PCDHGA1: variants seen among roughly 807,000 people sequenced by gnomAD.
PCDHGA1 encodes the protein protocadherin gamma subfamily A, 1.
A neutral mutation model predicts 58.0 loss-of-function variants in PCDHGA1; 32 were observed. That is an observed-to-expected ratio of 0.55 (90% CI 0.42 to 0.74). The LOEUF is 0.74. Among genes scored for constraint, PCDHGA1 ranks in the 30% least tolerant of loss-of-function variants. PCDHGA1 has a pLI of 0.00. For synonymous variants in PCDHGA1, 498 were observed against 501.1 expected (o/e 0.99, Z 0.08); for missense variants, 1,205 against 1,182.3 (o/e 1.02, Z -0.28).
rs374176829 is a variant in PCDHGA1 at position 141,350,876 on chromosome 5, C to A, written c.2421+17771C>A. The A allele has an allele frequency of 3.7e-6, 6 of 1,613,936 alleles. No homozygotes were observed. In the Admixed American group the frequency reaches 6.7e-5, roughly 18 times the overall value. On this transcript the variant is annotated intron_variant, in intron 1 of 3. Coordinates refer to ENST00000517417, the MANE Select transcript of PCDHGA1 (RefSeq NM_018912.3). The stretch of plus-strand genomic sequence containing the variant: ...AGACAGGGAACATCAGAGCTCTCAT[C>A]GCTTAATCCTGACTGCCATGGATGG...
intron 1 of PCDHGA1, chr5:141,415,228 C>A: frequency 1.2e-6 from 2 of 1,614,168 alleles, no homozygotes; most frequent in South Asian, 2.2e-5. Flanking sequence ...CTTCGAGTCT[C>A]CAGCTAACTC....
At chr5:141,409,119 C>T (rs1231583978) in intron 1 of PCDHGA1, 8 of 1,613,810 alleles carry the variant, frequency 5.0e-6, no homozygotes, top group Non-Finnish European at 6.8e-6. Flanking sequence ...AATAACCAGT[C>T]ATTTGATTTT....
intron 1 of PCDHGA1, among the ~76,000 whole-genome samples, chr5:141,347,654 G>T (rs1757996271): frequency 6.6e-6 from 1 of 152,050 alleles, no homozygotes; most frequent in Non-Finnish European, 1.5e-5. Context: ...GGGCATGGTG[G>T]TGGGCGCCTG....
At chr5:141,361,662 G>A (rs377204571) in intron 1 of PCDHGA1, 3 of 1,613,714 alleles carry the variant, frequency 1.9e-6, no homozygotes, top group Non-Finnish European at 2.5e-6. Context: ...CCGTGAGCGC[G>A]CAGAGCGGGG....
chr5:141,419,699 C>A (rs1488905080), intron 1 of PCDHGA1: 1 of 1,612,924 alleles, frequency 6.2e-7, no homozygotes. Context: ...GGCCAGTGAG[C>A]CCGGGCTCTT....
intron 1 of PCDHGA1, among the ~76,000 whole-genome samples, chr5:141,353,275 A>G (rs1759233618): frequency 6.6e-6 from 1 of 152,266 alleles, no homozygotes; most frequent in South Asian, 2.1e-4. Flanking sequence ...CTATATTTTC[A>G]AGTCATTTTA....
At chr5:141,360,818 T>C (rs375213182) in intron 1 of PCDHGA1, 1 of 1,613,810 alleles carries the variant, frequency 6.2e-7, no homozygotes, top group African/African-American at 1.3e-5. Flanking sequence ...ACGACCCAAA[T>C]CCGAATCAAA....
chr5:141,356,405 A>G (rs1760213147), intron 1 of PCDHGA1: 5 of 1,590,826 alleles, frequency 3.1e-6, no homozygotes, highest in South Asian at 1.1e-5. Flanking sequence ...GGAAATTATT[A>G]TCGGTTGTTG....
intron 1 of PCDHGA1, chr5:141,427,032 A>G (rs1227315080): frequency 2.2e-6 from 1 of 457,206 alleles, no homozygotes; most frequent in East Asian, 6.9e-5. Flanking sequence ...AGTCAGCCTT[A>G]GAGAGAATGT....
At chr5:141,405,397 T>A (rs1383127737) in intron 1 of PCDHGA1, 3 of 1,591,464 alleles carry the variant, frequency 1.9e-6, no homozygotes, top group Admixed American at 1.8e-5. Context: ...TTTTTTTCTT[T>A]CTTTCTTTTC....
At chr5:141,494,554 T>C (rs1270280236) in intron 1 of PCDHGA1, among the ~76,000 whole-genome samples, 1 of 152,178 alleles carries the variant, frequency 6.6e-6, no homozygotes, top group African/African-American at 2.4e-5. Flanking sequence ...GGGCCATTTC[T>C]TTAGGAAAGG....
chr5:141,400,163 A>G, intron 1 of PCDHGA1: 1 of 1,613,830 alleles, frequency 6.2e-7, no homozygotes, highest in Non-Finnish European at 8.5e-7. Flanking sequence ...GTACCCTCTG[A>G]CCCCCAGGCT....
intron 1 of PCDHGA1, chr5:141,422,519 C>T (rs1297821851): frequency 6.2e-7 from 1 of 1,613,968 alleles, no homozygotes; most frequent in African/African-American, 1.3e-5. Context: ...CAGGGAAGCC[C>T]GCCTTTGTCT....
chr5:141,402,593 G>T (rs4151700), intron 1 of PCDHGA1, among the ~76,000 whole-genome samples: 8,085 of 152,244 alleles, frequency 0.053, 229 homozygotes, highest in South Asian at 0.08. Flanking sequence ...AAAATAGATT[G>T]CTTTTGAAAT....
chr5:141,376,654 C>A, intron 1 of PCDHGA1: 1 of 932,252 alleles, frequency 1.1e-6, no homozygotes, highest in Non-Finnish European at 1.6e-6. Context: ...GTGGAAGACT[C>A]CCTTGTTCAG....
At chr5:141,374,162 G>A in intron 1 of PCDHGA1, 3 of 1,612,514 alleles carry the variant, frequency 1.9e-6, no homozygotes, top group Admixed American at 1.7e-5. Context: ...GTGGGGGGCC[G>A]CGGCAGCGCA....
At chr5:141,338,553 C>T (rs183491485) in intron 1 of PCDHGA1, among the ~76,000 whole-genome samples, 1 of 152,156 alleles carries the variant, frequency 6.6e-6, no homozygotes, top group African/African-American at 2.4e-5. Flanking sequence ...TTATACCATT[C>T]TTATTAATCC....
chr5:141,404,800 C>G (rs369141362), intron 1 of PCDHGA1: 3 of 1,613,970 alleles, frequency 1.9e-6, no homozygotes, highest in Middle Eastern at 1.6e-4. Context: ...AGCCAGGGCT[C>G]TTCTCGGTGG....
Position 141,432,563 on chromosome 5 carries a change from G to T in PCDHGA1, c.2422-62244G>T. 2 of 1,613,912 alleles carry T rather than the reference G, an allele frequency of 1.2e-6. No homozygotes were observed. Among genetic ancestry groups the T allele is most frequent in the Non-Finnish European group, 1.7e-6 (2 of 1,179,996 alleles). The stretch of plus-strand genomic sequence containing the variant: ...GGTGGACAGAGACTCCGGCCAGAAC[G>T]CCTGGCTGTCCTACCGTCTGCTCAA... On this transcript the variant is annotated intron_variant, in intron 1 of 3. Transcript: ENST00000517417. The surrounding 1 kb of genome is among the most constrained non-coding windows in gnomAD (Gnocchi z 6.0).
Sources: allele counts gnomAD v4.1 joint callset (sites outside exome capture counted in the v4.1 genomes callset), GRCh38; gene constraint gnomAD v4.1.1; non-coding constraint Gnocchi (gnomAD v3.1); transcripts MANE v1.5; gene names NCBI Gene and HGNC (gene_info 2026-07-23, HGNC 2026-07-21).